The following C8orf34 variants were observed in gnomAD, a reference collection of about 807,000 sequenced individuals.
C8orf34 encodes chromosome 8 open reading frame 34.
Under a neutral mutation model 68.3 loss-of-function variants are expected in C8orf34, and 65 were observed. That is an observed-to-expected ratio of 0.95 (90% confidence interval 0.78 to 1.17). C8orf34 has a LOEUF of 1.17. Ranked by LOEUF, C8orf34 falls within the 50% of genes most tolerant of loss-of-function variation. The probability of loss-of-function intolerance (pLI) is 0.00; values close to 1 mark genes in which losing one functional copy is unlikely to be tolerated. For missense variants in C8orf34, 664 were observed against 655.4 expected, an observed-to-expected ratio of 1.01 and a Z score of -0.14; for synonymous variants, 244 against 241.2, an observed-to-expected ratio of 1.01 and a Z score of -0.11.
intron 12 of C8orf34, among the ~76,000 whole-genome samples, chr8:68,811,454 T>C (rs1037175979): frequency 6.6e-6 from 1 of 152,172 alleles, no homozygotes; most frequent in South Asian, 2.1e-4. Flanking sequence ...CCCTGCCAAC[T>C]CAGACGCAGG....
rs1815309018 is a variant in C8orf34 at position 68,532,932 on chromosome 8, G to T, written c.939-51G>T. The T allele has an allele frequency of 7.7e-6, 10 of 1,304,194 alleles. No homozygotes were observed. The East Asian group carries it at 2.4e-4, about 31-fold the overall frequency. The allele number at this position is 1,304,194 out of a possible 1,614,324, so 80.8% of individuals were successfully genotyped here. On this transcript the variant is annotated intron_variant, in intron 6 of 13. Transcript: ENST00000518698. ...AAAATAACCAAATGGAAATTTATTT[G>T]TAGATTTTCTTTACTTATCACAGCT...
At chr8:68,650,566 G>A (rs949040346) in intron 8 of C8orf34, among the ~76,000 whole-genome samples, 15 of 142,986 alleles carry the variant, frequency 1.0e-4, no homozygotes, top group African/African-American at 3.4e-4. Context: ...TGCAAGCTCC[G>A]CCTCCCGGGT....
intron 10 of C8orf34, among the ~76,000 whole-genome samples, chr8:68,743,677 G>A (rs1233137844): frequency 1.3e-5 from 2 of 152,202 alleles, no homozygotes; most frequent in African/African-American, 4.8e-5. Context: ...TTTCCCGACG[G>A]GCTTAAAAAA....
chr8:68,579,928 T>A (rs1359959632), intron 7 of C8orf34, among the ~76,000 whole-genome samples: 1 of 152,174 alleles, frequency 6.6e-6, no homozygotes, highest in African/African-American at 2.4e-5. Context: ...TACTCTAGAT[T>A]CAGATTAAAT....
In C8orf34 at chr8:68,744,390, C is replaced by T. The variant is rs1473056450; in HGVS notation, c.1404+22953C>T. Among the ~76,000 whole-genome samples the T allele has an allele frequency of 2.0e-5, 3 of 152,224 alleles. No homozygotes were observed. The South Asian group carries it at 6.2e-4, about 32-fold the overall frequency. On this transcript the variant is annotated intron_variant, in intron 10 of 13. Transcript: ENST00000518698. ...CGGAACAAAGCTGGACGGAGAATGA[C>T]TTTGACGAGCTGAGAGAAGAAGGCT...
intron 1 of C8orf34, among the ~76,000 whole-genome samples, chr8:68,355,546 A>G (rs1480361850): frequency 6.6e-6 from 1 of 152,138 alleles, no homozygotes; most frequent in Non-Finnish European, 1.5e-5. Context: ...CTTCTCTTCT[A>G]TTAATATTAA....
intron 3 of C8orf34, among the ~76,000 whole-genome samples, chr8:68,464,212 G>C (rs1210548268): frequency 6.6e-6 from 1 of 152,004 alleles, no homozygotes; most frequent in Non-Finnish European, 1.5e-5. Context: ...GCTTCAAAGA[G>C]AATAAAATAC....
intron 10 of C8orf34, among the ~76,000 whole-genome samples, chr8:68,748,378 T>G: frequency 6.8e-6 from 1 of 146,142 alleles, no homozygotes. Context: ...AAGCCAAAAT[T>G]GACAAATGGG....
intron 8 of C8orf34, among the ~76,000 whole-genome samples, chr8:68,703,281 C>T (rs1417498266): frequency 6.6e-6 from 1 of 152,042 alleles, no homozygotes; most frequent in Non-Finnish European, 1.5e-5. Flanking sequence ...ATGACACAAA[C>T]CTTGGAACAG....
At chr8:68,480,722 A>T (rs1022734604) in intron 4 of C8orf34, among the ~76,000 whole-genome samples, 2 of 152,048 alleles carry the variant, frequency 1.3e-5, no homozygotes, top group Non-Finnish European at 2.9e-5. Context: ...GCAGCATTTT[A>T]TCCCTGCCCT....
intron 7 of C8orf34, among the ~76,000 whole-genome samples, chr8:68,627,787 A>C (rs998610976): frequency 1.3e-5 from 2 of 152,202 alleles, no homozygotes; most frequent in African/African-American, 4.8e-5. Context: ...CTTGTGATTC[A>C]TTTGCAATCT....
chr8:68,778,483 A>C (rs1050574313), intron 11 of C8orf34, among the ~76,000 whole-genome samples: 2 of 152,150 alleles, frequency 1.3e-5, no homozygotes, highest in Non-Finnish European at 2.9e-5. Flanking sequence ...CAATTAGACA[A>C]TTTTGTTTAG....
At chr8:68,348,527 G>T (rs1015444677) in intron 1 of C8orf34, among the ~76,000 whole-genome samples, 2 of 152,026 alleles carry the variant, frequency 1.3e-5, no homozygotes, top group Non-Finnish European at 2.9e-5. Flanking sequence ...GATAGGAATA[G>T]CATTGAATCT....
intron 7 of C8orf34, among the ~76,000 whole-genome samples, chr8:68,615,365 GC>G (rs1818172612): frequency 6.6e-6 from 1 of 150,806 alleles, no homozygotes; most frequent in African/African-American, 2.4e-5. Context: ...CCTGTCTTGT[GC>G]CAGTTTTCAA....
chr8:68,344,837 TGGG>T (rs375803851), intron 1 of C8orf34, among the ~76,000 whole-genome samples: 1 of 151,944 alleles, frequency 6.6e-6, no homozygotes, highest in African/African-American at 2.4e-5. Context: ...TAATTTTTAT[TGGG>T]GGGGAGTAAC....
At chr8:68,516,035 C>G (rs942520377) in intron 5 of C8orf34, among the ~76,000 whole-genome samples, 3 of 152,142 alleles carry the variant, frequency 2.0e-5, no homozygotes, top group Non-Finnish European at 4.4e-5. Flanking sequence ...GTTTGTGTAA[C>G]AGAATTGTGT....
At chr8:68,624,162 A>G (rs1371188805) in intron 7 of C8orf34, among the ~76,000 whole-genome samples, 1 of 151,284 alleles carries the variant, frequency 6.6e-6, no homozygotes, top group South Asian at 2.1e-4. Context: ...ATCCCAGCTA[A>G]TTGGGAGGCT....
intron 9 of C8orf34, among the ~76,000 whole-genome samples, chr8:68,710,337 C>A (rs949361144): frequency 6.6e-6 from 1 of 152,178 alleles, no homozygotes; most frequent in Non-Finnish European, 1.5e-5. Context: ...TGGTCTGGGG[C>A]AAGTTCTCAG....
At chr8:68,707,371 T>A (rs1029407991) in intron 8 of C8orf34, among the ~76,000 whole-genome samples, 1 of 152,184 alleles carries the variant, frequency 6.6e-6, no homozygotes, top group Non-Finnish European at 1.5e-5. Context: ...TCTCTTCAAC[T>A]GAGCTATATT....
Sources: allele counts gnomAD v4.1 joint callset (sites outside exome capture counted in the v4.1 genomes callset), GRCh38; gene constraint gnomAD v4.1.1; transcripts MANE v1.5; gene names NCBI Gene and HGNC (gene_info 2026-07-23, HGNC 2026-07-21).